The following ULK4 variants were observed in gnomAD, a reference collection of about 807,000 sequenced individuals.
The protein encoded by ULK4 is inactive serine/threonine-protein kinase ULK4.
In ULK4, 133 loss-of-function variants were observed where a neutral mutation model predicts 160.6. That is an observed-to-expected ratio of 0.83 (90% CI 0.72 to 0.96). The LOEUF (loss-of-function observed/expected upper bound fraction) is 0.96, where lower values mean the gene tolerates loss of function less well. ULK4 is among the 40% of genes least tolerant of loss of function. The pLI is 0.00. For missense variants in ULK4, 1,580 were observed against 1,499.5 expected, an observed-to-expected ratio of 1.05 and a Z score of -0.89; for synonymous variants, 534 against 539.8, an observed-to-expected ratio of 0.99 and a Z score of 0.15.
chr3:41,686,714 A>G (rs896693938), intron 27 of ULK4, among the ~76,000 whole-genome samples: 9 of 152,160 alleles, frequency 5.9e-5, no homozygotes, highest in Non-Finnish European at 1.3e-4. Context: ...GGACTACTGT[A>G]AAATAAGAGA....
Position 41,345,070 on chromosome 3 carries a change from C to T in ULK4, c.3678+53009G>A, listed in dbSNP as rs191441755. Among the ~76,000 whole-genome samples the T allele has an allele frequency of 8.7e-4, 133 of 152,150 alleles. 1 individual carries two copies. Among genetic ancestry groups the T allele is most frequent in the African/African-American group, 2.7e-3 (114 of 41,512 alleles). Reference sequence around the variant, plus strand: ...ATTAGAGAAATGCAAATCAAAACCACGAGATACCGTCTCATGCCAGTCAGC... The same window carrying T: ...ATTAGAGAAATGCAAATCAAAACCATGAGATACCGTCTCATGCCAGTCAGC... On this transcript the variant is annotated intron_variant, in intron 35 of 36. Coordinates refer to ENST00000301831, the MANE Select transcript of ULK4 (RefSeq NM_017886.4).
chr3:41,703,127 T>G (rs2036740798), intron 27 of ULK4, among the ~76,000 whole-genome samples: 1 of 152,174 alleles, frequency 6.6e-6, no homozygotes, highest in African/African-American at 2.4e-5. Context: ...GTGCTGGGAT[T>G]ACAGGCGTGA....
chr3:41,945,823 T>C (rs1199727277), intron 2 of ULK4, among the ~76,000 whole-genome samples: 1 of 152,202 alleles, frequency 6.6e-6, no homozygotes, highest in Non-Finnish European at 1.5e-5. Flanking sequence ...CTCAGTGTTA[T>C]CACCATCCTT....
At chr3:41,367,466 G>A (rs935993703) in intron 35 of ULK4, among the ~76,000 whole-genome samples, 1 of 152,166 alleles carries the variant, frequency 6.6e-6, no homozygotes, top group African/African-American at 2.4e-5. Flanking sequence ...AGTTACTCTT[G>A]TGCCCACCCA....
chr3:41,250,831 C>G (rs973626013), intron 35 of ULK4: 1 of 152,176 alleles, frequency 6.6e-6, no homozygotes, highest in Admixed American at 6.5e-5. Context: ...TAAATTTGTT[C>G]TGAAATTGCA....
intron 35 of ULK4, among the ~76,000 whole-genome samples, chr3:41,309,405 A>G (rs56835559): frequency 0.16 from 23,575 of 152,078 alleles, 2,188 homozygotes; most frequent in African/African-American, 0.25. Context: ...AGGTGTGATC[A>G]TTGCATACTA....
chr3:41,533,908 C>A (rs192427063), intron 32 of ULK4, among the ~76,000 whole-genome samples: 1 of 152,152 alleles, frequency 6.6e-6, no homozygotes, highest in African/African-American at 2.4e-5. Flanking sequence ...CCTGGGTTCA[C>A]GCCATTCTCC....
intron 22 of ULK4, among the ~76,000 whole-genome samples, chr3:41,748,038 G>T (rs1386088780): frequency 2.0e-5 from 3 of 151,786 alleles, no homozygotes; most frequent in African/African-American, 7.3e-5. Context: ...AAGGATGAGA[G>T]AATTTTACTT....
chr3:41,466,420 C>T lies in ULK4; in HGVS notation c.3227-3167G>A, dbSNP rs7619293. Among the ~76,000 whole-genome samples, 809 of 152,232 alleles carry T rather than the reference C, an allele frequency of 5.3e-3. 8 individuals carry two copies. The highest frequency in any genetic ancestry group is 0.019 in the African/African-American group (780 of 41,542). On this transcript the variant is annotated intron_variant, in intron 32 of 36. Transcript: ENST00000301831. ...AGTCAGGAACTCTTCAGAAAAAAAT[C>T]CTTTTCAACAAAAGGGTAAGGAAAA...
At chr3:41,722,614 A>G (rs1019745111) in intron 22 of ULK4, among the ~76,000 whole-genome samples, 1 of 152,172 alleles carries the variant, frequency 6.6e-6, no homozygotes, top group Non-Finnish European at 1.5e-5. Flanking sequence ...CTGGGCAATA[A>G]GAGTGAAACT....
intron 16 of ULK4, among the ~76,000 whole-genome samples, chr3:41,893,768 CA>C (rs1424767200): frequency 1.3e-5 from 2 of 151,692 alleles, no homozygotes; most frequent in African/African-American, 4.8e-5. Flanking sequence ...ATATATGTTA[CA>C]GGGGAAAACA....
At chr3:41,756,178 T>C (rs370255836) in intron 21 of ULK4, among the ~76,000 whole-genome samples, 2 of 152,324 alleles carry the variant, frequency 1.3e-5, no homozygotes, top group African/African-American at 4.8e-5. Context: ...TGACCCTTCT[T>C]TCCTTTCTCC....
Position 41,625,209 on chromosome 3 carries a change from T to C in ULK4, c.3072-9492A>G, listed in dbSNP as rs549939045. Among the ~76,000 whole-genome samples, 22 of 152,348 alleles carry C rather than the reference T, an allele frequency of 1.4e-4. No individual in the cohort carries two copies. In the South Asian group the frequency reaches 1.4e-3, roughly 10 times the overall value. ...ACAGAATATCCAAGGGTATCGCACA[T>C]AGTATTGTTCTGTAATGTACTGAGT... On this transcript the variant is annotated intron_variant, in intron 30 of 36. Transcript: ENST00000301831.
intron 32 of ULK4, among the ~76,000 whole-genome samples, chr3:41,556,098 T>C (rs7617055): frequency 0.5 from 76,313 of 151,962 alleles, 19,269 homozygotes; most frequent in Admixed American, 0.54. Context: ...ACCTGGCTGA[T>C]GACATAATCT....
chr3:41,286,986 C>T (rs995314144), intron 35 of ULK4, among the ~76,000 whole-genome samples: 1 of 152,136 alleles, frequency 6.6e-6, no homozygotes, highest in African/African-American at 2.4e-5. Context: ...GGTAGGATGC[C>T]ATAGGTATAT....
At chr3:41,518,827 C>T (rs867268129) in intron 32 of ULK4, among the ~76,000 whole-genome samples, 6 of 152,182 alleles carry the variant, frequency 3.9e-5, no homozygotes, top group Admixed American at 3.9e-4. Context: ...CGTCAGCAGC[C>T]TAGACATAAG....
At chr3:41,724,786 C>A (rs2125856637) in intron 22 of ULK4, among the ~76,000 whole-genome samples, 1 of 152,246 alleles carries the variant, frequency 6.6e-6, no homozygotes, top group South Asian at 2.1e-4. Flanking sequence ...CATTATCAGG[C>A]TTTTTAATCA....
chr3:41,482,206 T>A (rs142398944), intron 32 of ULK4, among the ~76,000 whole-genome samples: 3 of 152,180 alleles, frequency 2.0e-5, no homozygotes, highest in Admixed American at 2.0e-4. Flanking sequence ...ACCACCTAGT[T>A]ACTGTGCAGC....
chr3:41,723,955 C>T (rs746330052), intron 22 of ULK4, among the ~76,000 whole-genome samples: 8 of 152,190 alleles, frequency 5.3e-5, no homozygotes, highest in Non-Finnish European at 1.2e-4. Flanking sequence ...GACATTCATG[C>T]TAAAGTTCAC....
Sources: gnomAD v4.1 joint callset for allele counts (sites outside exome capture counted in the v4.1 genomes callset) on GRCh38, gnomAD v4.1.1 for gene constraint, MANE v1.5 for transcripts, NCBI Gene and HGNC (gene_info 2026-07-23, HGNC 2026-07-21) for gene names.